Variants in PALLD observed in about 807,000 individuals in gnomAD.
PALLD encodes the protein palladin, cytoskeletal associated protein.
In PALLD, 61 loss-of-function variants were observed where a neutral mutation model predicts 123.5. That is an observed-to-expected ratio of 0.49 (90% CI 0.40 to 0.61). The LOEUF is 0.61. PALLD is among the 20% of genes least tolerant of loss of function. The pLI, the probability that PALLD is intolerant of heterozygous loss-of-function variation, is 0.00. For synonymous variants in PALLD, 465 were observed against 496.4 expected, an observed-to-expected ratio of 0.94 and a Z score of 0.84; for missense variants, 1,273 against 1,377.0, an observed-to-expected ratio of 0.92 and a Z score of 1.20.
chr4:168,586,921 C>A (rs1235753015), intron 2 of PALLD, among the ~76,000 whole-genome samples: 1 of 151,996 alleles, frequency 6.6e-6, no homozygotes, highest in African/African-American at 2.4e-5. Context: ...GGGTACCATG[C>A]GATAAGAGAG....
At chr4:168,895,909 A>C (rs1488639476) in intron 12 of PALLD, among the ~76,000 whole-genome samples, 1 of 152,230 alleles carries the variant, frequency 6.6e-6, no homozygotes, top group Admixed American at 6.5e-5. Context: ...AAATATTGTA[A>C]GTTGAAAGTG....
At chr4:168,832,008 T>C in intron 10 of PALLD, 2 of 985,338 alleles carry the variant, frequency 2.0e-6, no homozygotes, top group Non-Finnish European at 2.4e-6. Context: ...CGGACTCTTA[T>C]TTTGAAGGGC....
intron 9 of PALLD, among the ~76,000 whole-genome samples, chr4:168,711,111 A>T (rs1290174638): frequency 6.6e-6 from 1 of 152,232 alleles, no homozygotes; most frequent in Non-Finnish European, 1.5e-5. Context: ...TTATGAGATT[A>T]TGAAATTTTA....
intron 13 of PALLD, chr4:168,898,163 T>C: frequency 2.7e-6 from 1 of 366,612 alleles, no homozygotes; most frequent in Non-Finnish European, 5.2e-6. Flanking sequence ...TTTATTGTTA[T>C]CAACAGTTTA....
intron 10 of PALLD, among the ~76,000 whole-genome samples, chr4:168,741,700 CA>C (rs953015704): frequency 6.6e-6 from 1 of 151,278 alleles, no homozygotes; most frequent in African/African-American, 2.4e-5. Context: ...AAAAAACAAA[CA>C]AAAAAGAATG....
chr4:168,632,380 T>C (rs958680585), intron 2 of PALLD, among the ~76,000 whole-genome samples: 1 of 152,228 alleles, frequency 6.6e-6, no homozygotes, highest in African/African-American at 2.4e-5. Context: ...AGCTGCTCAG[T>C]TGCTGAATGA....
chr4:168,805,585 C>T (rs1740071939), intron 10 of PALLD, among the ~76,000 whole-genome samples: 1 of 152,252 alleles, frequency 6.6e-6, no homozygotes, highest in South Asian at 2.1e-4. Context: ...TGCCTCTGTG[C>T]GTGTGTTTCC....
chr4:168,762,664 C>T (rs1189037405), intron 10 of PALLD, among the ~76,000 whole-genome samples: 1 of 152,152 alleles, frequency 6.6e-6, no homozygotes, highest in Non-Finnish European at 1.5e-5. Context: ...ACCCAGCGAT[C>T]CCATTACTGG....
intron 2 of PALLD, among the ~76,000 whole-genome samples, chr4:168,545,726 A>G (rs756047335): frequency 2.6e-5 from 4 of 152,172 alleles, no homozygotes; most frequent in Admixed American, 1.3e-4. Context: ...TTCAAACACA[A>G]TATCATTAGG....
chr4:168,606,184 G>A (rs1773146701), intron 2 of PALLD, among the ~76,000 whole-genome samples: 1 of 152,074 alleles, frequency 6.6e-6, no homozygotes, highest in Non-Finnish European at 1.5e-5. Flanking sequence ...TGATTATCAG[G>A]GAAGTTGAGC....
rs193283692 is a variant in PALLD, at chr4:168,544,244, C to G, written c.908+31832C>G. 2.4e-3 allele frequency among the ~76,000 whole-genome samples: 373 copies of G among 152,340 alleles called. 4 individuals carry two copies. Among genetic ancestry groups the G allele is most frequent in the Admixed American group, 6.3e-3 (96 of 15,308 alleles). Reference sequence around the variant, plus strand: ...GTTCTAAGTGCACATTTCTGCATATCCTGCAGTGTTAGCAAGATAAGAACT... The same window carrying G: ...GTTCTAAGTGCACATTTCTGCATATGCTGCAGTGTTAGCAAGATAAGAACT... On this transcript the variant is annotated intron_variant, in intron 2 of 21. Coordinates refer to ENST00000505667, the MANE Select transcript of PALLD (RefSeq NM_001166108.2).
chr4:168,666,402 T>C (rs779344244), intron 2 of PALLD, among the ~76,000 whole-genome samples: 1 of 152,146 alleles, frequency 6.6e-6, no homozygotes, highest in Non-Finnish European at 1.5e-5. Context: ...TCCTCACACA[T>C]AGAAGAAGCT....
chr4:168,727,913 A>C (rs1199465578), intron 10 of PALLD, among the ~76,000 whole-genome samples: 1 of 151,776 alleles, frequency 6.6e-6, no homozygotes, highest in Non-Finnish European at 1.5e-5. Context: ...GTCTAGTTTT[A>C]TTCTTTTGCA....
At chr4:168,585,039 C>T (rs916532206) in intron 2 of PALLD, among the ~76,000 whole-genome samples, 2 of 152,088 alleles carry the variant, frequency 1.3e-5, no homozygotes, top group African/African-American at 4.8e-5. Context: ...AAAAATTTGA[C>T]TAATTCTAAC....
intron 5 of PALLD, among the ~76,000 whole-genome samples, chr4:168,684,773 T>G (rs1037628597): frequency 6.6e-6 from 1 of 152,216 alleles, no homozygotes; most frequent in African/African-American, 2.4e-5. Context: ...GCCACAATTC[T>G]TCATGATGTC....
chr4:168,888,503 T>G (rs1753680617), intron 10 of PALLD, among the ~76,000 whole-genome samples: 1 of 152,180 alleles, frequency 6.6e-6, no homozygotes, highest in Admixed American at 6.5e-5. Flanking sequence ...GTTCTCCTCT[T>G]ACAGTTATGG....
intron 3 of PALLD, among the ~76,000 whole-genome samples, chr4:168,677,000 C>T (rs529300729): frequency 9.2e-5 from 14 of 152,088 alleles, no homozygotes; most frequent in Non-Finnish European, 1.8e-4. Context: ...CTTCACTCTG[C>T]GTGGGAGGCA....
chr4:168,544,364 C>G (rs1248588042), intron 2 of PALLD, among the ~76,000 whole-genome samples: 3 of 152,226 alleles, frequency 2.0e-5, no homozygotes, highest in African/African-American at 4.8e-5. Context: ...GCTGTCTTGC[C>G]TTGAGTAGTA....
chr4:168,545,014 G>A lies in PALLD; in HGVS notation c.908+32602G>A, dbSNP rs565846874. ...ATGCAGGTCTGATTTCTCAGATCCA[G>A]CAACTTCAATCCTTGGAATATTAGA... On this transcript the variant is annotated intron_variant, in intron 2 of 21. Transcript: ENST00000505667. 3.9e-4 allele frequency among the ~76,000 whole-genome samples: 60 copies of A among 152,266 alleles called. 1 individual carries two copies. Among genetic ancestry groups the A allele is most frequent in the African/African-American group, 1.3e-3 (56 of 41,562 alleles).
Sources: gnomAD v4.1 joint callset for allele counts (sites outside exome capture counted in the v4.1 genomes callset) on GRCh38, gnomAD v4.1.1 for gene constraint, MANE v1.5 for transcripts, NCBI Gene and HGNC (gene_info 2026-07-23, HGNC 2026-07-21) for gene names.